Variants in CAMK1D observed in about 807,000 individuals in gnomAD.
CAMK1D encodes the protein calcium/calmodulin-dependent protein kinase type 1D.
CAMK1D carries 9 observed loss-of-function variants against 47.7 expected under a neutral mutation model. The observed-to-expected ratio is 0.19, with a 90% confidence interval of 0.11 to 0.33. The LOEUF (loss-of-function observed/expected upper bound fraction) is 0.33. Among genes scored for constraint, CAMK1D ranks in the 10% least tolerant of loss-of-function variants. The pLI is 1.00. For synonymous variants in CAMK1D, 184 were observed against 184.9 expected (o/e 0.99, Z 0.04); for missense variants, 291 against 488.7 (o/e 0.60, Z 3.81).
chr10:12,689,506 G>A (rs1219948154), intron 3 of CAMK1D, among the ~76,000 whole-genome samples: 2 of 152,154 alleles, frequency 1.3e-5, no homozygotes, highest in African/African-American at 4.8e-5. Flanking sequence ...TGCCGGGCGT[G>A]GTGGTGACAC....
chr10:12,567,704 T>A (rs1837167272), intron 2 of CAMK1D, among the ~76,000 whole-genome samples: 1 of 152,218 alleles, frequency 6.6e-6, no homozygotes, highest in Non-Finnish European at 1.5e-5. Context: ...ACACCAGATT[T>A]GCTGCCTGTG....
At chr10:12,575,385 C>G (rs1369635498) in intron 2 of CAMK1D, among the ~76,000 whole-genome samples, 1 of 152,186 alleles carries the variant, frequency 6.6e-6, no homozygotes, top group African/African-American at 2.4e-5. Flanking sequence ...GCCACCACAC[C>G]CAGCCATCAC....
At chr10:12,574,983 C>G (rs1164638896) in intron 2 of CAMK1D, among the ~76,000 whole-genome samples, 1 of 152,222 alleles carries the variant, frequency 6.6e-6, no homozygotes, top group African/African-American at 2.4e-5. Flanking sequence ...CCTCCATGAT[C>G]CAATCACCTC....
chr10:12,673,817 C>T lies in CAMK1D; in HGVS notation c.299+7007C>T, dbSNP rs913427099. On this transcript the variant is annotated intron_variant, in intron 3 of 10. Coordinates refer to ENST00000619168, the MANE Select transcript of CAMK1D (RefSeq NM_153498.4). The stretch of plus-strand genomic sequence containing the variant: ...CCTGGATATATCAGAATTAACACTA[C>T]TGGGAAAGTCTGTGGTTTGGTTTGA... Among the ~76,000 whole-genome samples, 5 of 152,258 alleles carry T rather than the reference C, an allele frequency of 3.3e-5. No homozygotes were observed. In the East Asian group the frequency reaches 9.6e-4, roughly 29 times the overall value.
At chr10:12,362,935 C>G (rs907312588) in intron 1 of CAMK1D, among the ~76,000 whole-genome samples, 1 of 148,038 alleles carries the variant, frequency 6.8e-6, no homozygotes, top group African/African-American at 2.5e-5. Context: ...TGAGCCACCC[C>G]GCCCGGCCTT....
chr10:12,455,437 G>C (rs958362044), intron 1 of CAMK1D, among the ~76,000 whole-genome samples: 3 of 152,238 alleles, frequency 2.0e-5, no homozygotes, highest in Non-Finnish European at 2.9e-5. Context: ...GCCTTCCAAA[G>C]TGTTGGGATT....
At chr10:12,649,961 T>C (rs981534485) in intron 2 of CAMK1D, among the ~76,000 whole-genome samples, 1 of 152,220 alleles carries the variant, frequency 6.6e-6, no homozygotes, top group Non-Finnish European at 1.5e-5. Context: ...CCAGGAACGA[T>C]TTCACCGTGT....
intron 3 of CAMK1D, among the ~76,000 whole-genome samples, chr10:12,721,959 A>G (rs1834396221): frequency 6.6e-6 from 1 of 152,180 alleles, no homozygotes; most frequent in African/African-American, 2.4e-5. Context: ...AGGCTCTATA[A>G]CAAGAGGGGG....
intron 2 of CAMK1D, among the ~76,000 whole-genome samples, chr10:12,573,595 C>G (rs1312658047): frequency 6.6e-6 from 1 of 152,038 alleles, no homozygotes; most frequent in Non-Finnish European, 1.5e-5. Context: ...CAGGATGTTA[C>G]TAGCTTTCCT....
At chr10:12,614,510 G>T (rs377340724) in intron 2 of CAMK1D, among the ~76,000 whole-genome samples, 1 of 152,274 alleles carries the variant, frequency 6.6e-6, no homozygotes, top group Admixed American at 6.5e-5. Flanking sequence ...TGCTAAATAC[G>T]TATTCACTTT....
chr10:12,542,879 G>C (rs1465455945), intron 1 of CAMK1D, among the ~76,000 whole-genome samples: 1 of 152,082 alleles, frequency 6.6e-6, no homozygotes, highest in African/African-American at 2.4e-5. Flanking sequence ...CCAAGTAGCT[G>C]GGATTACAGG....
intron 3 of CAMK1D, among the ~76,000 whole-genome samples, chr10:12,734,372 A>G (rs1471580183): frequency 3.8e-5 from 1 of 26,514 alleles, no homozygotes; most frequent in Non-Finnish European, 7.0e-5. Flanking sequence ...ATATATATAT[A>G]TATATAGATA....
chr10:12,489,577 A>T (rs1482122580), intron 1 of CAMK1D, among the ~76,000 whole-genome samples: 2 of 152,098 alleles, frequency 1.3e-5, no homozygotes. Flanking sequence ...CCTTGGGAGG[A>T]GGGAGAAATA....
At chr10:12,793,921 C>T (rs530832390) in intron 6 of CAMK1D, among the ~76,000 whole-genome samples, 2 of 152,278 alleles carry the variant, frequency 1.3e-5, no homozygotes, top group South Asian at 4.1e-4. Flanking sequence ...CATCAGAAAG[C>T]GACATGCAAG....
chr10:12,640,281 G>T (rs1839630256), intron 2 of CAMK1D, among the ~76,000 whole-genome samples: 1 of 147,496 alleles, frequency 6.8e-6, no homozygotes, highest in African/African-American at 2.5e-5. Flanking sequence ...TGCAGGTTCT[G>T]TCAGAAGGAG....
At chr10:12,707,474 G>A (rs115358976) in intron 3 of CAMK1D, among the ~76,000 whole-genome samples, 2,482 of 152,274 alleles carry the variant, frequency 0.016, 62 homozygotes, top group African/African-American at 0.056. Flanking sequence ...AAAAGGAGAG[G>A]AGAGGTAGAG....
intron 2 of CAMK1D, among the ~76,000 whole-genome samples, chr10:12,554,561 G>C: frequency 1.1e-5 from 1 of 88,478 alleles, no homozygotes; most frequent in Middle Eastern, 4.5e-3. Flanking sequence ...TTTTCTCCAG[G>C]CAGGATCTTG....
At chr10:12,780,452 T>G (rs916249895) in intron 5 of CAMK1D, among the ~76,000 whole-genome samples, 1 of 152,206 alleles carries the variant, frequency 6.6e-6, no homozygotes, top group Non-Finnish European at 1.5e-5. Context: ...ACTTGTGAGT[T>G]GGCATCCTTT....
At position 12,405,746 on chromosome 10, in the gene CAMK1D, A is replaced by G. The variant is rs557507837; in HGVS notation, c.92+55836A>G. Among the ~76,000 whole-genome samples the G allele has an allele frequency of 6.6e-5, 10 of 152,352 alleles. No homozygotes were observed. The South Asian group carries it at 2.1e-3, about 32-fold the overall frequency. On this transcript the variant is annotated intron_variant, in intron 1 of 10. Transcript: ENST00000619168. The stretch of plus-strand genomic sequence containing the variant: ...TGAGCAAACCCGTGATATCAGCATG[A>G]CATGGTCATATTGTTTAATCTGCTT...
Sources: gnomAD v4.1 joint callset for allele counts (sites outside exome capture counted in the v4.1 genomes callset) on GRCh38, gnomAD v4.1.1 for gene constraint, MANE v1.5 for transcripts, NCBI Gene and HGNC (gene_info 2026-07-23, HGNC 2026-07-21) for gene names.